Variants in TRPM3 observed in about 807,000 individuals in gnomAD.
The protein encoded by TRPM3 is transient receptor potential cation channel subfamily M member 3.
A neutral mutation model predicts 181.2 loss-of-function variants in TRPM3; 77 were observed. The observed-to-expected ratio is 0.42, with a 90% confidence interval of 0.35 to 0.51. The LOEUF (loss-of-function observed/expected upper bound fraction) is 0.51. TRPM3 is among the 20% of genes least tolerant of loss of function. The probability of loss-of-function intolerance (pLI) is 0.01; values close to 1 mark genes in which losing one functional copy is unlikely to be tolerated. For synonymous variants in TRPM3, 745 were observed against 796.4 expected, an observed-to-expected ratio of 0.94 and a Z score of 1.09; for missense variants, 1,759 against 2,196.7, an observed-to-expected ratio of 0.80 and a Z score of 3.98.
At chr9:70,599,959 G>A (rs1589113262) in intron 20 of TRPM3, among the ~76,000 whole-genome samples, 1 of 152,162 alleles carries the variant, frequency 6.6e-6, no homozygotes, top group Non-Finnish European at 1.5e-5. Flanking sequence ...TGTACCCCAG[G>A]CCTGTTACAT....
chr9:70,908,003 C>A (rs1420971612), intron 1 of TRPM3, among the ~76,000 whole-genome samples: 1 of 152,076 alleles, frequency 6.6e-6, no homozygotes, highest in African/African-American at 2.4e-5. Context: ...GGGAATAGTG[C>A]TTCAATAAAC....
rs11400047 is a variant in TRPM3, at chr9:71,211,361, G to GTT, written c.183+235290_183+235291dup. 3.3e-3 allele frequency among the ~76,000 whole-genome samples: 484 copies of GTT among 146,442 alleles called. 1 individual carries two copies. Among genetic ancestry groups the GTT allele is most frequent in the Middle Eastern group, 7.1e-3 (2 of 282 alleles). ...TGTTACTGTTCTTTTATATGATTGT[G>GTT]TTTTTTTTTTTTTAAATAGGAAGAG... On this transcript the variant is annotated intron_variant, in intron 1 of 24. Transcript: ENST00000357533.
At chr9:70,867,140 G>A (rs1193344726) in intron 1 of TRPM3, among the ~76,000 whole-genome samples, 4 of 152,070 alleles carry the variant, frequency 2.6e-5, no homozygotes, top group Admixed American at 6.6e-5. Flanking sequence ...CCCCACATGC[G>A]CAGGAATGAA....
chr9:70,837,125 A>G (rs1301233117), intron 5 of TRPM3, among the ~76,000 whole-genome samples: 1 of 152,154 alleles, frequency 6.6e-6, no homozygotes, highest in East Asian at 1.9e-4. Flanking sequence ...ATCTTATCTA[A>G]TCTAATCGTA....
At chr9:71,242,048 A>G (rs570198694) in intron 1 of TRPM3, among the ~76,000 whole-genome samples, 8 of 152,380 alleles carry the variant, frequency 5.3e-5, no homozygotes, top group South Asian at 4.1e-4. Context: ...ACACATTTGC[A>G]TAAGTGTTAA....
Position 70,681,517 on chromosome 9 carries a change from G to T in TRPM3, c.1334C>A (p.Ala445Asp). Residue 445 changes from alanine to aspartate, a missense_variant, in exon 9 of 26, where the codon GCT (alanine) becomes GAT (aspartate). By Grantham distance (126) the Ala-to-Asp change is moderately radical. Transcript: ENST00000677713. ...HQDIDLAILT[A>D]LLKGANASAP... ...ACAGACTCTTTTACCTTTGAGTAAA[G>T]CTGTCAGGATAGCCAAATCAATGTC... The T allele has an allele frequency of 6.2e-7, 1 of 1,613,644 alleles. No individual in the cohort carries two copies. The highest frequency in any genetic ancestry group is 2.2e-5 in the East Asian group (1 of 44,864).
intron 1 of TRPM3, among the ~76,000 whole-genome samples, chr9:71,389,889 C>G (rs2093020970): frequency 1.3e-5 from 2 of 151,756 alleles, no homozygotes; most frequent in Non-Finnish European, 1.5e-5. Context: ...TAGTATATAC[C>G]AAAAGCTTAA....
rs561343785 is a variant in TRPM3, at chr9:70,945,916, C to G, written c.178-81405G>C. The stretch of plus-strand genomic sequence containing the variant: ...TGAGGACATTGGGTTTCATTGGGAC[C>G]TGAAAAGGGAGAAGGAAGTATAGTA... On this transcript the variant is annotated intron_variant, in intron 1 of 25. Transcript: ENST00000677713. Among the ~76,000 whole-genome samples the G allele has an allele frequency of 3.9e-4, 60 of 152,058 alleles. 1 individual carries two copies. The highest frequency in any genetic ancestry group is 1.3e-4 in the Non-Finnish European group (9 of 68,006).
At chr9:71,159,173 C>A (rs964452808) in intron 1 of TRPM3, among the ~76,000 whole-genome samples, 1 of 150,788 alleles carries the variant, frequency 6.6e-6, no homozygotes, top group East Asian at 2.0e-4. Context: ...ATTGGTTTTA[C>A]GGTGTGTGTG....
At chr9:71,109,359 T>C (rs2070504005) in intron 1 of TRPM3, among the ~76,000 whole-genome samples, 1 of 152,032 alleles carries the variant, frequency 6.6e-6, no homozygotes, top group South Asian at 2.1e-4. Flanking sequence ...GTGAAAGCAG[T>C]TGCACATAGA....
chr9:70,786,311 C>CAAAAA (rs71367227), intron 6 of TRPM3, among the ~76,000 whole-genome samples: 12 of 54,460 alleles, frequency 2.2e-4, no homozygotes, highest in African/African-American at 5.6e-4. Context: ...CTAAAAATAC[C>CAAAAA]AAAAAAAAAA....
chr9:71,394,206 A>T (rs947805914), intron 1 of TRPM3, among the ~76,000 whole-genome samples: 11 of 152,208 alleles, frequency 7.2e-5, no homozygotes, highest in African/African-American at 2.7e-4. Context: ...GGCCATTTAT[A>T]GTAAATATTC....
intron 1 of TRPM3, among the ~76,000 whole-genome samples, chr9:71,387,858 G>A (rs568167086): frequency 1.8e-4 from 28 of 152,028 alleles, no homozygotes; most frequent in African/African-American, 6.3e-4. Flanking sequence ...GTACAGACAC[G>A]GGCACACACA....
At chr9:71,391,143 A>G (rs1565526466) in intron 1 of TRPM3, among the ~76,000 whole-genome samples, 1 of 152,010 alleles carries the variant, frequency 6.6e-6, no homozygotes, top group African/African-American at 2.4e-5. Flanking sequence ...GCCTGAACAA[A>G]AAAAGGAAAG....
At chr9:71,069,798 G>T (rs996489747) in intron 1 of TRPM3, among the ~76,000 whole-genome samples, 1 of 151,372 alleles carries the variant, frequency 6.6e-6, no homozygotes, top group Non-Finnish European at 1.5e-5. Context: ...AATAGAGATG[G>T]GTTTTTGCCA....
intron 1 of TRPM3, among the ~76,000 whole-genome samples, chr9:71,078,059 A>G (rs600446): frequency 0.23 from 35,367 of 151,876 alleles, 4,882 homozygotes; most frequent in East Asian, 0.4. Flanking sequence ...GAAAATCATC[A>G]TACACATATA....
At chr9:71,231,064 T>G (rs2081018783) in intron 1 of TRPM3, among the ~76,000 whole-genome samples, 1 of 152,202 alleles carries the variant, frequency 6.6e-6, no homozygotes, top group South Asian at 2.1e-4. Flanking sequence ...CAAGCTACTT[T>G]GACATACAAT....
intron 1 of TRPM3, among the ~76,000 whole-genome samples, chr9:71,037,823 T>G (rs944515512): frequency 7.9e-5 from 12 of 152,246 alleles, no homozygotes; most frequent in African/African-American, 2.9e-4. Context: ...CCACTCACAG[T>G]TCTATCAAGT....
intron 8 of TRPM3, among the ~76,000 whole-genome samples, chr9:70,740,446 C>T (rs753085661): frequency 3.3e-5 from 5 of 151,474 alleles, no homozygotes; most frequent in Non-Finnish European, 4.4e-5. Context: ...CATTGCATAC[C>T]ACCATCATTC....
Sources: gnomAD v4.1 joint callset for allele counts (sites outside exome capture counted in the v4.1 genomes callset) on GRCh38, gnomAD v4.1.1 for gene constraint, MANE v1.5 for transcripts, NCBI Gene and HGNC (gene_info 2026-07-23, HGNC 2026-07-21) for gene names.